KLHL18: variants seen among roughly 807,000 people sequenced by gnomAD.
KLHL18 encodes kelch like family member 18, also known as kelch-like protein 18.
In KLHL18, 38 loss-of-function variants were observed where a neutral mutation model predicts 58.5. That is an observed-to-expected ratio of 0.65 (90% CI 0.50 to 0.85). The LOEUF (loss-of-function observed/expected upper bound fraction) is 0.85. KLHL18 is among the 40% of genes least tolerant of loss of function. The pLI is 0.00. For missense variants in KLHL18, 624 were observed against 778.4 expected (o/e 0.80, Z 2.36); for synonymous variants, 303 against 301.9 (o/e 1.00, Z -0.04).
chr3:47,342,595 TG>T, intron 8 of KLHL18, 123 bp from the exon 9 acceptor site: 1 of 715,952 alleles, frequency 1.4e-6, no homozygotes, highest in Non-Finnish European at 2.4e-6. Context: ...AGAGAGGTGG[TG>T]GGAGAGGTGA....
intron 2 of KLHL18, 78 bp downstream of exon 2, chr3:47,319,861 C>T (rs1434192745): frequency 1.3e-6 from 2 of 1,485,292 alleles, no homozygotes; most frequent in East Asian, 2.3e-5. Flanking sequence ...CGTTGAGGAC[C>T]TGCAGCAGGA....
At chr3:47,328,329 A>G (rs956098398) in intron 3 of KLHL18, among the ~76,000 whole-genome samples, 2 of 151,744 alleles carry the variant, frequency 1.3e-5, no homozygotes, top group Non-Finnish European at 2.9e-5. Flanking sequence ...TTGCACCACT[A>G]CACTACAGCC....
At chr3:47,305,345 T>TTG (rs1553630803) in intron 1 of KLHL18, among the ~76,000 whole-genome samples, 1 of 149,488 alleles carries the variant, frequency 6.7e-6, no homozygotes, top group Admixed American at 6.7e-5. Context: ...TTTTTTTTTT[T>TTG]TTTTTTTTTT....
At chr3:47,297,275 A>T (rs894583067) in intron 1 of KLHL18, among the ~76,000 whole-genome samples, 2 of 152,190 alleles carry the variant, frequency 1.3e-5, no homozygotes, top group African/African-American at 4.8e-5. Flanking sequence ...TCAGTTTCTT[A>T]ACCCCAAGAG....
Position 47,336,734 on chromosome 3 carries a change from G to T in KLHL18, c.1098G>T (p.Val366=), listed in dbSNP as rs1703996109. ...CGGAGACAGACACATGGACCAGAGT[G>T]GGGAGCATGAATAGCAAGAGAAGGT... ...YNPETDTWTR[V]GSMNSKRSAM... is the part of the protein sequence containing the mutation. Residue 366 remains valine, a synonymous_variant, in exon 7 of 10, where the codon GTG becomes GTT. Coordinates refer to ENST00000232766, the MANE Select transcript of KLHL18 (RefSeq NM_025010.5). The T allele has an allele frequency of 1.2e-6, 2 of 1,614,130 alleles. No homozygotes were observed. Among genetic ancestry groups the T allele is most frequent in the Non-Finnish European group, 1.7e-6 (2 of 1,179,952 alleles).
chr3:47,340,154 G>C (rs891502877), intron 7 of KLHL18, among the ~76,000 whole-genome samples: 2 of 152,186 alleles, frequency 1.3e-5, no homozygotes, highest in Non-Finnish European at 2.9e-5. Flanking sequence ...CTAAACCCCA[G>C]CTGTTACAGA....
At chr3:47,302,621 G>A (rs1703051322) in intron 1 of KLHL18, among the ~76,000 whole-genome samples, 1 of 152,202 alleles carries the variant, frequency 6.6e-6, no homozygotes, top group Non-Finnish European at 1.5e-5. Flanking sequence ...GAGAAGGGTT[G>A]GTCTTGCTGT....
chr3:47,296,600 G>C (rs575427794), intron 1 of KLHL18, among the ~76,000 whole-genome samples: 77 of 152,304 alleles, frequency 5.1e-4, no homozygotes, highest in African/African-American at 1.7e-3. Flanking sequence ...AACATCAAAG[G>C]AGTAGCTGAT....
chr3:47,318,243 AT>A (rs1176930031), intron 1 of KLHL18, among the ~76,000 whole-genome samples: 1 of 152,172 alleles, frequency 6.6e-6, no homozygotes, highest in East Asian at 1.9e-4. Flanking sequence ...CAGCTTAGAC[AT>A]TTCTCACAAA....
At chr3:47,339,405 T>A (rs1704056524) in intron 7 of KLHL18, among the ~76,000 whole-genome samples, 1 of 148,538 alleles carries the variant, frequency 6.7e-6, no homozygotes, top group South Asian at 2.1e-4. Context: ...GGTGGGAGAA[T>A]CCCTTGAACC....
At chr3:47,327,299 CAA>C (rs1215749541) in intron 3 of KLHL18, among the ~76,000 whole-genome samples, 1 of 152,158 alleles carries the variant, frequency 6.6e-6, no homozygotes, top group African/African-American at 2.4e-5. Flanking sequence ...CCAAGCTAAT[CAA>C]AGACACCCAA....
rs763197402 is a variant in KLHL18 at position 47,343,540 on chromosome 3, C to G, written c.1339-15C>G. 9 of 1,612,526 alleles carry G rather than the reference C, an allele frequency of 5.6e-6. No homozygotes were observed. Among genetic ancestry groups the G allele is most frequent in the Middle Eastern group, 2.0e-4 (1 of 4,962 alleles). ...CTCTGACTGTCCTGTACCTGTGCCT[C>G]TCTCCCCACTGCAGGTGGAACACTA... On this transcript the variant is annotated splice_polypyrimidine_tract_variant and intron_variant, in intron 9 of 9. Transcript: ENST00000232766.
chr3:47,311,536 C>CA (rs1378678853), intron 1 of KLHL18, among the ~76,000 whole-genome samples: 3 of 151,834 alleles, frequency 2.0e-5, no homozygotes, highest in Non-Finnish European at 4.4e-5. Flanking sequence ...ACTAAAAATA[C>CA]AAAAAATTAG....
Position 47,282,977 on chromosome 3 carries a change from C to A in KLHL18, c.12C>A (p.Asp4Glu). The A allele has an allele frequency of 6.2e-7, 1 of 1,610,408 alleles. No individual in the cohort carries two copies. The highest frequency in any genetic ancestry group is 1.1e-5 in the South Asian group (1 of 90,350). The change falls in exon 1 of 10, where the codon GAC becomes GAA. Residue 4 changes from aspartate to glutamate, a missense_variant. Asp to Glu is a conservative substitution (Grantham distance 45). Coordinates refer to ENST00000232766, the MANE Select transcript of KLHL18 (RefSeq NM_025010.5). The stretch of plus-strand genomic sequence containing the variant: ...AGCGGCCGGGGAAGATGGTGGAGGA[C>A]GGCGCGGAGGAGCTGGAGGATCTGG... Reference protein sequence around the residue: MVEDGAEELEDLVH... With the variant: MVEEGAEELEDLVH...
At chr3:47,332,576 C>T (rs1210836012) in intron 4 of KLHL18, among the ~76,000 whole-genome samples, 4 of 111,846 alleles carry the variant, frequency 3.6e-5, no homozygotes, top group African/African-American at 7.1e-5. Flanking sequence ...GTCCCTAGCT[C>T]TTAAACTAAT....
At position 47,333,327 on chromosome 3, in the gene KLHL18, G is replaced by A. The variant is rs1490733128; in HGVS notation, c.761+10G>A. 1 of 1,611,586 alleles carries A rather than the reference G, an allele frequency of 6.2e-7. No homozygotes were observed. Among genetic ancestry groups the A allele is most frequent in the Middle Eastern group, 1.7e-4 (1 of 6,004 alleles). On this transcript the variant is annotated intron_variant, in intron 5 of 9. Coordinates refer to ENST00000232766, the MANE Select transcript of KLHL18 (RefSeq NM_025010.5). The stretch of plus-strand genomic sequence containing the variant: ...GCTGCCACAAATGCAGGTGAGTGAG[G>A]GTGGACCTGCACAGGACACTGCCAA...
intron 1 of KLHL18, among the ~76,000 whole-genome samples, chr3:47,308,330 T>C (rs1470609757): frequency 6.6e-6 from 1 of 152,220 alleles, no homozygotes; most frequent in Non-Finnish European, 1.5e-5. Flanking sequence ...GGTTTGGGTT[T>C]CCATTGAACC....
chr3:47,285,694 A>C (rs761296316), intron 1 of KLHL18, among the ~76,000 whole-genome samples: 1 of 152,202 alleles, frequency 6.6e-6, no homozygotes, highest in African/African-American at 2.4e-5. Flanking sequence ...TTTAATGCAG[A>C]TACTGAATAT....
intron 1 of KLHL18, among the ~76,000 whole-genome samples, chr3:47,317,237 C>T (rs1703476058): frequency 6.6e-6 from 1 of 152,092 alleles, no homozygotes; most frequent in Non-Finnish European, 1.5e-5. Flanking sequence ...CTCAGCACCT[C>T]GGGTAGCTGG....
Sources: gnomAD v4.1 joint callset for allele counts (sites outside exome capture counted in the v4.1 genomes callset) on GRCh38, gnomAD v4.1.1 for gene constraint, MANE v1.5 for transcripts, NCBI Gene and HGNC (gene_info 2026-07-23, HGNC 2026-07-21) for gene names.